Variants in FBXL13 observed in about 807,000 individuals in gnomAD.
FBXL13 encodes the protein F-box and leucine rich repeat protein 13.
In FBXL13, 67 loss-of-function variants were observed where a neutral mutation model predicts 83.6. The ratio of observed to expected loss-of-function variants is 0.80; its 90% CI spans 0.66 to 0.98. The LOEUF is 0.98. Ranked by LOEUF, FBXL13 falls within the 50% of genes least tolerant of loss-of-function variation. FBXL13 has a pLI of 0.00. For missense variants in FBXL13, 822 were observed against 866.5 expected (o/e 0.95, Z 0.64); for synonymous variants, 272 against 299.5 (o/e 0.91, Z 0.95).
At chr7:102,932,070 G>A in intron 8 of FBXL13, 137 bp from the exon 10 acceptor site, 1 of 705,496 alleles carries the variant, frequency 1.4e-6, no homozygotes. Flanking sequence ...CTAAGTATAT[G>A]GTTTCTTTCC....
Position 102,886,175 on chromosome 7 carries a change from A to C in FBXL13, c.1009-1863T>G, listed in dbSNP as rs145212124. Among the ~76,000 whole-genome samples the C allele has an allele frequency of 1.6e-3, 251 of 152,336 alleles. 1 individual carries two copies. The highest frequency in any genetic ancestry group is 5.9e-3 in the African/African-American group (246 of 41,582). Reference sequence around the variant, plus strand: ...TAAGATAATTTGTTATTTAGACTGCATTTCCTGTAACAAATGGACACAGAT... The same window carrying C: ...TAAGATAATTTGTTATTTAGACTGCCTTTCCTGTAACAAATGGACACAGAT... On this transcript the variant is annotated intron_variant, in intron 11 of 19. Transcript: ENST00000313221.
chr7:102,869,426 T>C (rs1467781484), intron 16 of FBXL13, among the ~76,000 whole-genome samples: 19 of 152,196 alleles, frequency 1.2e-4, no homozygotes, highest in Non-Finnish European at 2.5e-4. Flanking sequence ...ATTCCATAGG[T>C]GGTCTCTTCA....
At chr7:103,020,171 T>C (rs1393696228) in intron 6 of FBXL13, among the ~76,000 whole-genome samples, 2 of 152,176 alleles carry the variant, frequency 1.3e-5, no homozygotes, top group African/African-American at 2.4e-5. Flanking sequence ...TGGTTCAACA[T>C]ATGCAAATCA....
At chr7:102,935,213 T>A (rs1247072216) in intron 8 of FBXL13, among the ~76,000 whole-genome samples, 1 of 148,756 alleles carries the variant, frequency 6.7e-6, no homozygotes, top group African/African-American at 2.5e-5. Flanking sequence ...TAAATGCTCC[T>A]ATGCTCATGC....
At chr7:102,921,005 A>G (rs1475864383) in intron 10 of FBXL13, among the ~76,000 whole-genome samples, 1 of 152,004 alleles carries the variant, frequency 6.6e-6, no homozygotes, top group African/African-American at 2.4e-5. Flanking sequence ...TACAAATATT[A>G]GCCTGGCGTG....
At chr7:102,896,569 T>C (rs771452323) in intron 11 of FBXL13, among the ~76,000 whole-genome samples, 25 of 152,226 alleles carry the variant, frequency 1.6e-4, no homozygotes, top group Non-Finnish European at 3.5e-4. Context: ...TCTCTGGTTC[T>C]GGAGGCACAA....
At chr7:102,868,305 C>A (rs1328670250) in intron 16 of FBXL13, among the ~76,000 whole-genome samples, 1 of 152,164 alleles carries the variant, frequency 6.6e-6, no homozygotes, top group Non-Finnish European at 1.5e-5. Context: ...CTCTCCTCAT[C>A]TCCCCTCACC....
Position 103,068,150 on chromosome 7 carries a change from C to T in FBXL13, c.-105+6096G>A, listed in dbSNP as rs1023354631. ...CTGGAAGAAAGGTCAAGGATGTGAA[C>T]GGAACATCCCTGTGAATACTGCGGG... is the stretch of plus-strand genomic sequence containing the variant. On this transcript the variant is annotated intron_variant, in intron 1 of 19. Coordinates refer to ENST00000313221, the Ensembl canonical transcript of FBXL13. 3.3e-5 allele frequency among the ~76,000 whole-genome samples: 5 copies of T among 152,108 alleles called. No homozygotes were observed. In the East Asian group the frequency reaches 7.7e-4, roughly 23 times the overall value.
chr7:102,942,363 G>T, intron 8 of FBXL13: 1 of 1,534,872 alleles, frequency 6.5e-7, no homozygotes, highest in South Asian at 1.3e-5. Flanking sequence ...AAATGCAGTG[G>T]GAGTTGCCAG....
intron 2 of FBXL13, among the ~76,000 whole-genome samples, chr7:103,032,806 G>T (rs1226791423): frequency 6.6e-6 from 1 of 152,178 alleles, no homozygotes; most frequent in Non-Finnish European, 1.5e-5. Context: ...GAGGTGGGAG[G>T]ATCCCTCGAG....
chr7:102,833,849 T>C (rs1484612659), intron 17 of FBXL13, among the ~76,000 whole-genome samples: 1 of 152,028 alleles, frequency 6.6e-6, no homozygotes, highest in African/African-American at 2.4e-5. Flanking sequence ...TCAATACTTC[T>C]TAATTTTCAT....
At chr7:102,964,026 T>C (rs182403007) in intron 7 of FBXL13, among the ~76,000 whole-genome samples, 12 of 152,216 alleles carry the variant, frequency 7.9e-5, no homozygotes, top group African/African-American at 1.7e-4. Flanking sequence ...GAAACCACAA[T>C]GAGGTCGGGC....
intron 6 of FBXL13, among the ~76,000 whole-genome samples, chr7:102,989,619 C>T (rs577057979): frequency 6.6e-6 from 1 of 152,294 alleles, no homozygotes; most frequent in African/African-American, 2.4e-5. Flanking sequence ...CATAGGGAGG[C>T]CTGCAGTTGT....
chr7:102,962,917 G>T (rs1282876497), intron 8 of FBXL13, among the ~76,000 whole-genome samples: 1 of 148,718 alleles, frequency 6.7e-6, no homozygotes, highest in African/African-American at 2.5e-5. Context: ...CACCAGCATG[G>T]CACATGTATG....
intron 18 of FBXL13, among the ~76,000 whole-genome samples, chr7:102,829,573 A>G (rs1257402682): frequency 6.6e-6 from 1 of 152,196 alleles, no homozygotes; most frequent in South Asian, 2.1e-4. Context: ...TGTTAACCAC[A>G]GGGCCTAGTG....
chr7:102,866,641 T>C (rs1292865679), intron 16 of FBXL13, among the ~76,000 whole-genome samples: 4 of 152,214 alleles, frequency 2.6e-5, no homozygotes, highest in Non-Finnish European at 5.9e-5. Context: ...GGCTTTATTT[T>C]TGTGTGTGTT....
intron 14 of FBXL13, among the ~76,000 whole-genome samples, chr7:102,880,863 T>A (rs1269823448): frequency 2.0e-5 from 3 of 152,184 alleles, no homozygotes; most frequent in African/African-American, 7.2e-5. Flanking sequence ...CTCCCTACTT[T>A]GAGTCTTGCT....
At chr7:102,929,237 AAATTACTAAAGGAG>A (rs1269088699) in intron 9 of FBXL13, among the ~76,000 whole-genome samples, 1 of 152,210 alleles carries the variant, frequency 6.6e-6, no homozygotes, top group East Asian at 1.9e-4. Flanking sequence ...TCATGGGGAA[AAATTACTAAAGGAG>A]GATTTTCAAA....
chr7:102,820,675 CAT>C (rs1466021464), intron 19 of FBXL13, among the ~76,000 whole-genome samples: 1 of 152,160 alleles, frequency 6.6e-6, no homozygotes, highest in Non-Finnish European at 1.5e-5. Context: ...ATTTATTGCT[CAT>C]AGTTATAGAG....
Sources: gnomAD v4.1 joint callset for allele counts (sites outside exome capture counted in the v4.1 genomes callset) on GRCh38, gnomAD v4.1.1 for gene constraint, MANE v1.5 for transcripts, NCBI Gene and HGNC (gene_info 2026-07-23, HGNC 2026-07-21) for gene names.